Variants in CD40 observed in about 807,000 individuals in gnomAD.
The protein encoded by CD40 is CD40 molecule.
Under a neutral mutation model 38.5 loss-of-function variants are expected in CD40, and 19 were observed. The ratio of observed to expected loss-of-function variants is 0.49; its 90% confidence interval spans 0.34 to 0.72. The LOEUF is 0.72. Ranked by LOEUF, CD40 falls within the 30% of genes least tolerant of loss-of-function variation. The pLI, the probability that CD40 is intolerant of heterozygous loss-of-function variation, is 0.01. For missense variants in CD40, 256 were observed against 344.1 expected, an observed-to-expected ratio of 0.74 and a Z score of 2.03; for synonymous variants, 130 against 128.7, an observed-to-expected ratio of 1.01 and a Z score of -0.07.
chr20:46,119,415 C>G (rs1238118991), intron 1 of CD40, among the ~76,000 whole-genome samples: 2 of 152,110 alleles, frequency 1.3e-5, no homozygotes, highest in East Asian at 3.9e-4. Context: ...CTTTCACTTT[C>G]ACCTGAAGCA....
intron 1 of CD40, among the ~76,000 whole-genome samples, chr20:46,118,743 G>T (rs1002939221): frequency 2.6e-5 from 4 of 152,174 alleles, no homozygotes; most frequent in Non-Finnish European, 5.9e-5. Context: ...GGAAGGGGCG[G>T]GTCTGGCCCG....
At chr20:46,121,657 A>G in intron 1 of CD40, 163 bp from the exon 2 acceptor site, 5 of 718,382 alleles carry the variant, frequency 7.0e-6, no homozygotes, top group Non-Finnish European at 2.6e-6. Context: ...TCAGTTGACA[A>G]TTTACTTGAA....
At chr20:46,118,527 G>A in intron 1 of CD40, 133 bp downstream of exon 1, 1 of 788,484 alleles carries the variant, frequency 1.3e-6, no homozygotes, top group Admixed American at 2.0e-5. Context: ...AGCTGGGCAA[G>A]GTGCCCCCGC....
chr20:46,122,378 A>AGGGACGCTTGGGAAC lies in CD40; in HGVS notation c.256+21_256+35dup. ...ACCCCAGTGCGTGCGCTGTTGGGAA[A>AGGGACGCTTGGGAAC]GGGACGCTTGGGAACCGGGCTGATA... is the stretch of plus-strand genomic sequence containing the variant. On this transcript the variant is annotated intron_variant, in intron 3 of 8. Coordinates refer to ENST00000372285, the MANE Select transcript of CD40 (RefSeq NM_001250.6). The surrounding 1 kb of genome is among the most constrained non-coding windows in gnomAD (Gnocchi z 5.0). 6.2e-7 allele frequency: 1 copy of AGGGACGCTTGGGAAC among 1,614,132 alleles called. No individual in the cohort carries two copies. The highest frequency in any genetic ancestry group is 8.5e-7 in the Non-Finnish European group (1 of 1,180,032).
chr20:46,123,106 C>T lies in CD40; in HGVS notation c.404-20C>T. ...TGGTCCACTGTGATGGTTAATGTCC[C>T]CCTCCCCACCCACTCCCAGCTACAG... On this transcript the variant is annotated intron_variant, in intron 4 of 8. Coordinates refer to ENST00000372285, the MANE Select transcript of CD40 (RefSeq NM_001250.6). 1 of 1,590,018 alleles carries T rather than the reference C, an allele frequency of 6.3e-7. No individual in the cohort carries two copies. Among genetic ancestry groups the T allele is most frequent in the Non-Finnish European group, 8.6e-7 (1 of 1,157,942 alleles).
At chr20:46,125,275 G>C (rs1016795947) in intron 5 of CD40, among the ~76,000 whole-genome samples, 23 of 151,752 alleles carry the variant, frequency 1.5e-4, no homozygotes, top group African/African-American at 5.6e-4. Flanking sequence ...GCCGGGCGTG[G>C]TGGCTCACAC....
rs2085470001 is a variant in CD40, at chr20:46,128,009, G to A, written c.560-129G>A. On this transcript the variant is annotated intron_variant, in intron 6 of 8. Transcript: ENST00000372285. Reference sequence around the variant, plus strand: ...TGCCAGCCACATTTCCCCAAGGACCGCGGTTTGAACCTTCTGATGTAGATG... The same window carrying A: ...TGCCAGCCACATTTCCCCAAGGACCACGGTTTGAACCTTCTGATGTAGATG... 1.1e-5 allele frequency: 18 copies of A among 1,567,734 alleles called. No homozygotes were observed. In the South Asian group the frequency reaches 1.4e-4, roughly 12 times the overall value.
Position 46,129,210 on chromosome 20 carries a change from C to T in CD40, c.*170C>T, listed in dbSNP as rs2085506211. On this transcript the variant is annotated 3_prime_UTR_variant, in exon 9 of 9. Transcript: ENST00000372285. ...GAGACAGGAGACCTGGCACTGGATGCAGAAACAGTTCACCTTGAAGAACCT... is the reference window on the plus strand; with the variant it reads ...GAGACAGGAGACCTGGCACTGGATGTAGAAACAGTTCACCTTGAAGAACCT... 1 of 707,220 alleles carries T rather than the reference C, an allele frequency of 1.4e-6. No homozygotes were observed. 43.8% of individuals were successfully genotyped at this position (707,220 alleles called of 1,614,324 possible).
At chr20:46,125,325 C>T (rs1274555300) in intron 5 of CD40, among the ~76,000 whole-genome samples, 1 of 151,548 alleles carries the variant, frequency 6.6e-6, no homozygotes, top group Non-Finnish European at 1.5e-5. Context: ...GAGGGCAGAT[C>T]ATGAGGTCAA....
At chr20:46,118,523 G>A (rs1427504518) in intron 1 of CD40, 129 bp downstream of exon 1, 11 of 774,532 alleles carry the variant, frequency 1.4e-5, no homozygotes, top group Non-Finnish European at 2.4e-5. Flanking sequence ...TGGGAGCTGG[G>A]CAAGGTGCCC....
Position 46,122,959 on chromosome 20 carries a change from A to T in CD40, c.404-167A>T, listed in dbSNP as rs1323175712. On this transcript the variant is annotated intron_variant, in intron 4 of 8. Coordinates refer to ENST00000372285, the MANE Select transcript of CD40 (RefSeq NM_001250.6). This position sits in a 1 kb window ranked among gnomAD's most constrained non-coding sequence, Gnocchi z 5.0. ...CATGGGGATCTGCCTTTGAAGGGCAATGGGAGAAGTCCTCCTGGGGACTGC... is the reference window on the plus strand; with the variant it reads ...CATGGGGATCTGCCTTTGAAGGGCATTGGGAGAAGTCCTCCTGGGGACTGC... Among the ~76,000 whole-genome samples, 6 of 152,176 alleles carry T rather than the reference A, an allele frequency of 3.9e-5. No individual in the cohort carries two copies. The highest frequency in any genetic ancestry group is 9.6e-5 in the African/African-American group (4 of 41,454).
chr20:46,129,225 T>G lies in CD40; in HGVS notation c.*185T>G. Reference sequence around the variant, plus strand: ...GCACTGGATGCAGAAACAGTTCACCTTGAAGAACCTCTCACTTCACCCTGG... The same window carrying G: ...GCACTGGATGCAGAAACAGTTCACCGTGAAGAACCTCTCACTTCACCCTGG... On this transcript the variant is annotated 3_prime_UTR_variant, in exon 9 of 9. Transcript: ENST00000372285. 3.0e-6 allele frequency: 2 copies of G among 660,210 alleles called. No individual in the cohort carries two copies. The highest frequency in any genetic ancestry group is 5.4e-6 in the Non-Finnish European group (2 of 367,086). 40.9% of individuals were successfully genotyped at this position (660,210 alleles called of 1,614,324 possible).
At chr20:46,118,451 G>A in intron 1 of CD40, 57 bp downstream of exon 1, 1 of 1,550,776 alleles carries the variant, frequency 6.4e-7, no homozygotes, top group African/African-American at 1.4e-5. Context: ...GAGAAGGAAA[G>A]GGAAGGAAGA....
At chr20:46,120,306 G>C (rs185825305) in intron 1 of CD40, among the ~76,000 whole-genome samples, 1 of 152,270 alleles carries the variant, frequency 6.6e-6, no homozygotes, top group Non-Finnish European at 1.5e-5. Flanking sequence ...CAACCTGCAG[G>C]GCAGGCATTA....
intron 6 of CD40, among the ~76,000 whole-genome samples, chr20:46,127,730 A>G (rs536404628): frequency 9.8e-4 from 149 of 152,352 alleles, no homozygotes; most frequent in Admixed American, 2.2e-3. Context: ...ACATGCAGAC[A>G]TGAATCATGC....
At position 46,122,085 on chromosome 20, in the gene CD40, G is replaced by A; in HGVS notation, c.131-148G>A. The A allele has an allele frequency of 8.8e-7, 1 of 1,132,916 alleles. No individual in the cohort carries two copies. The highest frequency in any genetic ancestry group is 2.4e-5 in the East Asian group (1 of 41,332). The allele number at this position is 1,132,916 out of a possible 1,614,324, so 70.2% of individuals were successfully genotyped here. A position where few individuals can be genotyped will look rare whatever the true frequency, so the allele number is the denominator to read the frequency against. ...TGTCTACCCTGAACTAGGGATCCCA[G>A]CTTCTCCATCTTCCTCGCCTGATTA... On this transcript the variant is annotated intron_variant, in intron 2 of 8. Transcript: ENST00000372285. This position sits in a 1 kb window ranked among gnomAD's most constrained non-coding sequence, Gnocchi z 5.0.
intron 1 of CD40, 39 bp downstream of exon 1, chr20:46,118,433 T>G (rs2085253833): frequency 7.0e-7 from 1 of 1,436,720 alleles, no homozygotes; most frequent in African/African-American, 1.5e-5. Flanking sequence ...GAGTTGGGAG[T>G]GGGGAATGAG....
chr20:46,121,292 G>T (rs539865896), intron 1 of CD40, among the ~76,000 whole-genome samples: 1 of 152,120 alleles, frequency 6.6e-6, no homozygotes, highest in East Asian at 1.9e-4. Flanking sequence ...TACCCTTCCA[G>T]CTTTACATTC....
In CD40 at chr20:46,122,718, A is replaced by G. The variant is rs766205073; in HGVS notation, c.365A>G (p.His122Arg). The G allele has an allele frequency of 1.5e-5, 24 of 1,614,140 alleles. No homozygotes were observed. Among genetic ancestry groups the G allele is most frequent in the South Asian group, 4.4e-5 (4 of 91,082 alleles). ...TSEACESCVL[H>R]RSCSPGFGVK... ...GAGGCCTGTGAGAGCTGTGTCCTGC[A>G]CCGCTCATGCTCGCCCGGCTTTGGG... is the stretch of plus-strand genomic sequence containing the variant. Residue 122 changes from histidine to arginine, a missense_variant, in exon 4 of 9, where the codon CAC becomes CGC. Coordinates refer to ENST00000372285, the MANE Select transcript of CD40 (RefSeq NM_001250.6). The surrounding 1 kb of genome is among the most constrained non-coding windows in gnomAD (Gnocchi z 5.0).
Sources: allele counts gnomAD v4.1 joint callset (sites outside exome capture counted in the v4.1 genomes callset), GRCh38; gene constraint gnomAD v4.1.1; non-coding constraint Gnocchi (gnomAD v3.1); transcripts MANE v1.5; gene names NCBI Gene and HGNC (gene_info 2026-07-23, HGNC 2026-07-21).